OR10D3: variants seen among roughly 807,000 people sequenced by gnomAD.
OR10D3 encodes olfactory receptor family 10 subfamily D member 3, also known as olfactory receptor 10D3.
For synonymous variants in OR10D3, 100 were observed against 57.6 expected, an observed-to-expected ratio of 1.74 and a Z score of -3.33; for missense variants, 286 against 153.7, an observed-to-expected ratio of 1.86 and a Z score of -4.55.
chr11:124,188,734 A>G (rs138716074), exon 2 of OR10D3: 1 of 152,352 alleles, frequency 6.6e-6, no homozygotes, highest in East Asian at 1.9e-4. Flanking sequence ...TCAACATTCC[A>G]GAGGAATGGT....
exon 2 of OR10D3, chr11:124,187,327 A>G (rs1449255381): frequency 1.3e-5 from 2 of 152,218 alleles, no homozygotes; most frequent in East Asian, 3.9e-4. Context: ...AAATATTTAT[A>G]CTTACATTTG....
chr11:124,186,241 A>G (rs1861225013), exon 2 of OR10D3: 2 of 645,394 alleles, frequency 3.1e-6, no homozygotes, highest in Admixed American at 4.8e-5. Flanking sequence ...TGGCTCTGGA[A>G]TTCCTTTTGC....
At chr11:124,186,481 A>C in exon 2 of OR10D3, 1 of 242,538 alleles carries the variant, frequency 4.1e-6, no homozygotes, top group South Asian at 1.5e-4. Flanking sequence ...CCTGGAAGGA[A>C]GATCTTTTCC....
Position 124,185,557 on chromosome 11 carries a change from C to T in OR10D3, c.288C>T (p.Asp96=), listed in dbSNP as rs184211583. Reference sequence around the variant, plus strand: ...TGAGCCGACTCATCTCCTACAAAGACTGTGTCTGCCAGCTTTTCTTCTTCC... The same window carrying T: ...TGAGCCGACTCATCTCCTACAAAGATTGTGTCTGCCAGCTTTTCTTCTTCC... The change falls in exon 2 of 2, where the codon GAC becomes GAT. Residue 96 remains aspartate, a synonymous_variant. Transcript: ENST00000641351. 175 of 703,486 alleles carry T rather than the reference C, an allele frequency of 2.5e-4. No homozygotes were observed. The African/African-American group carries it at 2.5e-3, about 10-fold the overall frequency. The allele number at this position is 703,486 out of a possible 1,614,324, so 43.6% of individuals were successfully genotyped here.
exon 2 of OR10D3, chr11:124,186,092 C>A (rs767583495): frequency 1.4e-6 from 1 of 703,228 alleles, no homozygotes; most frequent in South Asian, 1.5e-5. Flanking sequence ...GGTACAAATT[C>A]TCATGAATCT....
exon 2 of OR10D3, chr11:124,185,384 C>T (rs755279817): frequency 2.8e-6 from 2 of 703,078 alleles, no homozygotes; most frequent in African/African-American, 1.7e-5. Context: ...TGCCTGCACT[C>T]TACTGGGAAA....
chr11:124,185,841 A>T (rs1233714948), exon 2 of OR10D3: 1 of 703,464 alleles, frequency 1.4e-6, no homozygotes, highest in African/African-American at 1.7e-5. Context: ...GCCTGTGCTG[A>T]CACATCCTTA....
exon 2 of OR10D3, chr11:124,186,789 T>C (rs1000824202): frequency 9.2e-5 from 14 of 152,312 alleles, no homozygotes; most frequent in African/African-American, 3.1e-4. Context: ...TTTAGGCAGA[T>C]TGGGTTAGCC....
exon 2 of OR10D3, chr11:124,187,196 A>G (rs1861236258): frequency 2.6e-5 from 4 of 152,148 alleles, no homozygotes; most frequent in Admixed American, 6.5e-5. Context: ...CTTTTCTTTA[A>G]CACCTGAACC....
chr11:124,185,807 G>A (rs768479080), exon 2 of OR10D3: 2 of 703,670 alleles, frequency 2.8e-6, no homozygotes, highest in Admixed American at 2.0e-5. Flanking sequence ...CTTCTTCTGT[G>A]ACATTCCAGC....
At chr11:124,184,263 A>T (rs1293189968) in intron 1 of OR10D3, 1 of 152,236 alleles carries the variant, frequency 6.6e-6, no homozygotes. Flanking sequence ...AAGAGGAATG[A>T]TATCCAATTC....
intron 1 of OR10D3, 59 bp downstream of exon 1, chr11:124,183,442 CTCTCTCTCTT>C (rs1555044007): frequency 4.1e-4 from 43 of 104,008 alleles, no homozygotes; most frequent in Middle Eastern, 5.0e-3. Flanking sequence ...CTCTCTCTTT[CTCTCTCTCTT>C]TCTCTCTCTT....
chr11:124,184,734 A>T (rs1861199837), intron 1 of OR10D3, among the ~76,000 whole-genome samples: 1 of 152,252 alleles, frequency 6.6e-6, no homozygotes, highest in Non-Finnish European at 1.5e-5. Context: ...CCAGGATTAG[A>T]TGAACGGAGA....
exon 2 of OR10D3, chr11:124,186,501 T>TTTTTG: frequency 2.3e-5 from 1 of 43,992 alleles, no homozygotes; most frequent in East Asian, 3.1e-4. Context: ...CATCCTGCCA[T>TTTTTG]TTTTTTTTTT....
exon 2 of OR10D3, chr11:124,186,195 T>C: frequency 1.4e-6 from 1 of 699,088 alleles, no homozygotes; most frequent in Non-Finnish European, 2.6e-6. Context: ...ACAGGCCATG[T>C]TCCTGAGAGT....
chr11:124,185,928 G>A, exon 2 of OR10D3: 1 of 703,180 alleles, frequency 1.4e-6, no homozygotes, highest in Non-Finnish European at 2.6e-6. Context: ...TCCTACACTA[G>A]AATCACAATA....
At chr11:124,186,365 G>T in exon 2 of OR10D3, 1 of 505,770 alleles carries the variant, frequency 2.0e-6, no homozygotes, top group Non-Finnish European at 3.5e-6. Flanking sequence ...TTATCTTTTT[G>T]CAATATTTTA....
chr11:124,186,095 A>T (rs773548961), exon 2 of OR10D3: 31 of 703,070 alleles, frequency 4.4e-5, no homozygotes, highest in Non-Finnish European at 7.0e-5. Flanking sequence ...ACAAATTCTC[A>T]TGAATCTGGT....
intron 1 of OR10D3, among the ~76,000 whole-genome samples, 177 bp downstream of exon 1, chr11:124,183,560 T>TTCCCTCCC (rs775089040): frequency 0.11 from 11,655 of 102,238 alleles, 785 homozygotes; most frequent in Middle Eastern, 0.17. Flanking sequence ...CCTTCCCTCC[T>TTCCCTCCC]TCCCTCCCTC....
Sources: allele counts gnomAD v4.1 joint callset (sites outside exome capture counted in the v4.1 genomes callset), GRCh38; gene constraint gnomAD v4.1.1; transcripts MANE v1.5; gene names NCBI Gene and HGNC (gene_info 2026-07-23, HGNC 2026-07-21).